Variants in PPARGC1A observed in about 807,000 individuals in gnomAD.
PPARGC1A encodes the protein peroxisome proliferator-activated receptor gamma coactivator 1-alpha.
A neutral mutation model predicts 88.7 loss-of-function variants in PPARGC1A; 25 were observed. The observed-to-expected ratio is 0.28, with a 90% confidence interval of 0.21 to 0.39. PPARGC1A has a LOEUF of 0.39. PPARGC1A is among the 10% of genes least tolerant of loss of function. The pLI is 1.00. For synonymous variants in PPARGC1A, 363 were observed against 355.6 expected, an observed-to-expected ratio of 1.02 and a Z score of -0.24; for missense variants, 880 against 968.7, an observed-to-expected ratio of 0.91 and a Z score of 1.22.
chr4:24,279,904 G>A, the PPARGC1A span, among the ~76,000 whole-genome samples: 2 of 152,238 alleles, frequency 1.3e-5, no homozygotes, highest in Non-Finnish European at 2.9e-5. Flanking sequence ...TGAGAAAAGG[G>A]AATTTAAGCA....
At chr4:23,963,966 C>T in the PPARGC1A span, among the ~76,000 whole-genome samples, 1 of 152,130 alleles carries the variant, frequency 6.6e-6, no homozygotes, top group Non-Finnish European at 1.5e-5. Context: ...AGGTAATACC[C>T]AGAGGCCAGT....
the PPARGC1A span, among the ~76,000 whole-genome samples, chr4:24,186,348 C>T: frequency 6.6e-6 from 1 of 152,182 alleles, no homozygotes; most frequent in Non-Finnish European, 1.5e-5. Flanking sequence ...AATAACTTCA[C>T]CTCTCGCCTA....
At chr4:24,282,313 T>A in the PPARGC1A span, among the ~76,000 whole-genome samples, 1 of 152,222 alleles carries the variant, frequency 6.6e-6, no homozygotes, top group Non-Finnish European at 1.5e-5. Context: ...TTTGAGTCAG[T>A]GGCTCCACTT....
the PPARGC1A span, among the ~76,000 whole-genome samples, chr4:24,341,217 T>TTA: frequency 0.023 from 3,336 of 147,878 alleles, 82 homozygotes; most frequent in East Asian, 0.12. Flanking sequence ...ATATATATAA[T>TTA]TATATATATA....
At chr4:24,075,153 A>G in the PPARGC1A span, among the ~76,000 whole-genome samples, 8 of 152,206 alleles carry the variant, frequency 5.3e-5, no homozygotes, top group Non-Finnish European at 2.9e-5. Flanking sequence ...AACAGAGAAC[A>G]GGGCTTGTCA....
At chr4:23,889,275 C>T in intron 1 of PPARGC1A, 4 of 985,396 alleles carry the variant, frequency 4.1e-6, no homozygotes, top group Non-Finnish European at 3.6e-6. Context: ...AACGGAAAAC[C>T]TTGCACTGCC....
the PPARGC1A span, among the ~76,000 whole-genome samples, chr4:24,045,099 T>A: frequency 6.6e-6 from 1 of 152,136 alleles, no homozygotes. Flanking sequence ...ACAGAAGAGA[T>A]CATTCTAGCT....
chr4:24,089,812 G>A, the PPARGC1A span, among the ~76,000 whole-genome samples: 7 of 152,152 alleles, frequency 4.6e-5, no homozygotes, highest in African/African-American at 1.7e-4. Context: ...GCGCGGCCTA[G>A]GACGCCTTTT....
chr4:24,156,348 C>T, the PPARGC1A span, among the ~76,000 whole-genome samples: 1 of 152,064 alleles, frequency 6.6e-6, no homozygotes, highest in South Asian at 2.1e-4. Context: ...GACACTCCCC[C>T]ACCCTCCCCA....
chr4:24,363,989 T>A, the PPARGC1A span, among the ~76,000 whole-genome samples: 1 of 152,148 alleles, frequency 6.6e-6, no homozygotes, highest in African/African-American at 2.4e-5. Context: ...CCTTATGTAA[T>A]CAGTAGGATG....
chr4:24,036,134 T>G, the PPARGC1A span, among the ~76,000 whole-genome samples: 1 of 152,192 alleles, frequency 6.6e-6, no homozygotes, highest in African/African-American at 2.4e-5. Flanking sequence ...ATTGCCTATC[T>G]CATAGAGTTA....
At chr4:24,375,379 A>G in the PPARGC1A span, among the ~76,000 whole-genome samples, 1 of 152,188 alleles carries the variant, frequency 6.6e-6, no homozygotes, top group African/African-American at 2.4e-5. Flanking sequence ...TATAAATCCA[A>G]TTCAAGGTGG....
the PPARGC1A span, among the ~76,000 whole-genome samples, chr4:24,082,962 T>G: frequency 1.3e-5 from 2 of 152,220 alleles, no homozygotes; most frequent in Admixed American, 6.5e-5. Context: ...AAGAGGTACA[T>G]AAAATTGAGT....
chr4:24,191,581 A>G, the PPARGC1A span, among the ~76,000 whole-genome samples: 2 of 152,218 alleles, frequency 1.3e-5, no homozygotes. Context: ...ATCTTTAGCC[A>G]TCCACGTAAA....
chr4:24,315,340 G>GT, the PPARGC1A span, among the ~76,000 whole-genome samples: 13 of 152,270 alleles, frequency 8.5e-5, no homozygotes, highest in East Asian at 2.5e-3. Context: ...CATAAGCCAT[G>GT]TATCTGCTAT....
chr4:24,361,188 G>A, the PPARGC1A span, among the ~76,000 whole-genome samples: 9 of 152,136 alleles, frequency 5.9e-5, no homozygotes, highest in East Asian at 1.9e-4. Flanking sequence ...AGGAGTCAGC[G>A]GAGGACAGGG....
At chr4:24,384,454 A>G in the PPARGC1A span, among the ~76,000 whole-genome samples, 1 of 151,940 alleles carries the variant, frequency 6.6e-6, no homozygotes, top group African/African-American at 2.4e-5. Flanking sequence ...GGATGGAGTC[A>G]AGACCTATCA....
At chr4:24,433,109 A>T in the PPARGC1A span, among the ~76,000 whole-genome samples, 1 of 152,364 alleles carries the variant, frequency 6.6e-6, no homozygotes, top group Non-Finnish European at 1.5e-5. Flanking sequence ...AGCGGACTCC[A>T]TAATTAGATG....
At chr4:24,361,697 G>A in the PPARGC1A span, among the ~76,000 whole-genome samples, 3 of 152,188 alleles carry the variant, frequency 2.0e-5, no homozygotes, top group Non-Finnish European at 2.9e-5. Flanking sequence ...AGATATCCAG[G>A]TGAAGACCAG....
Sources: gnomAD v4.1 joint callset for allele counts (sites outside exome capture counted in the v4.1 genomes callset) on GRCh38, gnomAD v4.1.1 for gene constraint, MANE v1.5 for transcripts, NCBI Gene and HGNC (gene_info 2026-07-23, HGNC 2026-07-21) for gene names.